MACF1: variants seen among roughly 807,000 people sequenced by gnomAD.
The protein encoded by MACF1 is microtubule actin crosslinking factor 1.
MACF1 carries 193 observed loss-of-function variants against 854.8 expected under a neutral mutation model. The ratio of observed to expected loss-of-function variants is 0.23; its 90% CI spans 0.20 to 0.25. The LOEUF is 0.25. MACF1 is among the 10% of genes least tolerant of loss of function. The pLI is 1.00. For synonymous variants in MACF1, 3,185 were observed against 3,226.7 expected, an observed-to-expected ratio of 0.99 and a Z score of 0.44; for missense variants, 7,722 against 8,929.1, an observed-to-expected ratio of 0.86 and a Z score of 5.45.
intron 3 of MACF1, 42 bp downstream of exon 3, chr1:39,250,145 C>A: frequency 3.8e-6 from 5 of 1,324,984 alleles, no homozygotes; most frequent in Non-Finnish European, 5.4e-6. Flanking sequence ...TGTGGCCCTA[C>A]AAATGACATA....
At chr1:39,149,662 C>T (rs1264079804) in intron 2 of MACF1, among the ~76,000 whole-genome samples, 7 of 152,070 alleles carry the variant, frequency 4.6e-5, no homozygotes, top group East Asian at 1.9e-4. Context: ...TGACATGCTC[C>T]GGTGGAAATG....
chr1:39,444,163 G>A (rs1411952810), intron 79 of MACF1, among the ~76,000 whole-genome samples: 4 of 151,956 alleles, frequency 2.6e-5, no homozygotes, highest in Non-Finnish European at 4.4e-5. Context: ...GTGAAACCTC[G>A]TCTCTACTAA....
chr1:39,202,065 C>A (rs1644397099), upstream of MACF1, among the ~76,000 whole-genome samples: 1 of 131,078 alleles, frequency 7.6e-6, no homozygotes, highest in Non-Finnish European at 1.6e-5. Flanking sequence ...CTCCCGGGTT[C>A]AAACCATTCT....
chr1:39,410,170 C>T, intron 58 of MACF1: 3 of 929,422 alleles, frequency 3.2e-6, no homozygotes, highest in Non-Finnish European at 4.7e-6. Flanking sequence ...GGGGTATGAA[C>T]AGCTAAAAGG....
intron 93 of MACF1, 97 bp downstream of exon 93, chr1:39,462,134 G>C (rs889366021): frequency 8.6e-7 from 1 of 1,161,628 alleles, no homozygotes; most frequent in East Asian, 2.4e-5. Flanking sequence ...CCTTTGACTT[G>C]TCTGTTGGGA....
At chr1:39,241,496 C>T (rs1193620180) in intron 2 of MACF1, among the ~76,000 whole-genome samples, 1 of 151,828 alleles carries the variant, frequency 6.6e-6, no homozygotes, top group East Asian at 1.9e-4. Flanking sequence ...CCCGTCTCTA[C>T]TAAAAATACA....
At chr1:39,446,651 G>A (rs2148672156) in intron 80 of MACF1, among the ~76,000 whole-genome samples, 1 of 152,168 alleles carries the variant, frequency 6.6e-6, no homozygotes, top group South Asian at 2.1e-4. Flanking sequence ...ACTCATTTTT[G>A]TCAGCCTGTC....
At chr1:39,471,128 T>C (rs1457739032) in intron 97 of MACF1, among the ~76,000 whole-genome samples, 1 of 108,846 alleles carries the variant, frequency 9.2e-6, no homozygotes, top group East Asian at 2.6e-4. Context: ...ATCCATTGAC[T>C]GTGGAGAGAA....
intron 2 of MACF1, among the ~76,000 whole-genome samples, chr1:39,158,406 G>A (rs1227394077): frequency 2.6e-5 from 4 of 152,274 alleles, no homozygotes; most frequent in South Asian, 2.1e-4. Context: ...ATTCCAGTCC[G>A]TAAACATGAC....
intron 80 of MACF1, among the ~76,000 whole-genome samples, chr1:39,446,325 AAAT>A (rs1444940182): frequency 3.3e-5 from 4 of 121,186 alleles, no homozygotes; most frequent in Admixed American, 1.5e-4. Context: ...TAGATATAAA[AAAT>A]ATATAAAGAA....
intron 2 of MACF1, among the ~76,000 whole-genome samples, chr1:39,176,171 G>A (rs1407625904): frequency 6.8e-6 from 1 of 146,186 alleles, no homozygotes; most frequent in Non-Finnish European, 1.5e-5. Context: ...CTACTCAGGA[G>A]GGAGGCTAGT....
chr1:39,317,518 G>T lies in MACF1; in HGVS notation c.3782+111G>T, dbSNP rs899830840. The T allele has an allele frequency of 8.1e-6, 10 of 1,227,566 alleles. No homozygotes were observed. The African/African-American group carries it at 1.4e-4, about 17-fold the overall frequency. 76.0% of individuals were successfully genotyped at this position (1,227,566 alleles called of 1,614,324 possible). On this transcript the variant is annotated intron_variant, in intron 29 of 100. Coordinates refer to ENST00000564288, the MANE Select transcript of MACF1 (RefSeq NM_001394062.1). Reference sequence around the variant, plus strand: ...TTTAAAGGTGGAAATGGATAGGGAGGGGTGGAAATTTAAAAACCACATAAA... The same window carrying T: ...TTTAAAGGTGGAAATGGATAGGGAGTGGTGGAAATTTAAAAACCACATAAA...
chr1:39,294,926 C>G (rs1040244143), intron 18 of MACF1, 120 bp from the exon 19 acceptor site: 1 of 682,112 alleles, frequency 1.5e-6, no homozygotes, highest in African/African-American at 1.8e-5. Flanking sequence ...TTATACATCT[C>G]ATTTTGCCAC....
intron 2 of MACF1, among the ~76,000 whole-genome samples, chr1:39,088,808 G>T (rs1265254442): frequency 6.6e-6 from 1 of 152,152 alleles, no homozygotes; most frequent in Non-Finnish European, 1.5e-5. Context: ...AACCCTTGGG[G>T]GTGCGATTCA....
intron 6 of MACF1, among the ~76,000 whole-genome samples, chr1:39,263,054 T>A (rs1424951345): frequency 6.6e-6 from 1 of 151,942 alleles, no homozygotes; most frequent in African/African-American, 2.4e-5. Context: ...TTCTAGTCTT[T>A]CATTATTGAG....
chr1:39,416,062 A>G (rs1413039922), intron 58 of MACF1, among the ~76,000 whole-genome samples: 4 of 152,208 alleles, frequency 2.6e-5, no homozygotes, highest in African/African-American at 9.6e-5. Context: ...AGCACCAGCT[A>G]AACATGCAGG....
intron 49 of MACF1, among the ~76,000 whole-genome samples, chr1:39,366,467 C>G (rs531838016): frequency 2.1e-4 from 32 of 151,892 alleles, no homozygotes; most frequent in African/African-American, 7.7e-4. Context: ...TCCCCAGCAA[C>G]TGGGATTACA....
chr1:39,387,632 A>T lies in MACF1; in HGVS notation c.14790A>T (p.Arg4930=). ...GTAAAGCTAAGATGTCTGAGTTGCG[A>T]GTCACTCTGGATCCAGTGCAGCTAG... is the stretch of plus-strand genomic sequence containing the variant. ...EDCKAKMSEL[R]VTLDPVQLES... Residue 4930 remains arginine, a synonymous_variant, in exon 58 of 101, where the codon CGA becomes CGT. Transcript: ENST00000564288. The T allele has an allele frequency of 6.2e-7, 1 of 1,614,218 alleles. No homozygotes were observed. Among genetic ancestry groups the T allele is most frequent in the Non-Finnish European group, 8.5e-7 (1 of 1,180,042 alleles).
intron 2 of MACF1, among the ~76,000 whole-genome samples, chr1:39,179,352 AC>A (rs1237372224): frequency 1.3e-4 from 20 of 152,168 alleles, no homozygotes; most frequent in African/African-American, 4.8e-4. Flanking sequence ...GATGAACCAT[AC>A]ATGGGAGAGT....
Sources: allele counts gnomAD v4.1 joint callset (sites outside exome capture counted in the v4.1 genomes callset), GRCh38; gene constraint gnomAD v4.1.1; transcripts MANE v1.5; gene names NCBI Gene and HGNC (gene_info 2026-07-23, HGNC 2026-07-21).